The following KAZN variants were observed in gnomAD, a reference collection of about 807,000 sequenced individuals.
KAZN encodes the protein kazrin, periplakin interacting protein, also known as kazrin.
A neutral mutation model predicts 87.4 loss-of-function variants in KAZN; 40 were observed. The ratio of observed to expected loss-of-function variants is 0.46; its 90% CI spans 0.36 to 0.60. The LOEUF is 0.60. KAZN is among the 20% of genes least tolerant of loss of function. The pLI is 0.00. For synonymous variants in KAZN, 466 were observed against 458.3 expected (o/e 1.02, Z -0.22); for missense variants, 898 against 1,073.9 (o/e 0.84, Z 2.29).
chr1:14,218,303 C>T (rs1231902927), intron 2 of KAZN, among the ~76,000 whole-genome samples: 1 of 149,728 alleles, frequency 6.7e-6, no homozygotes, highest in East Asian at 2.0e-4. Context: ...GTATCATATA[C>T]ATTGTGAGTT....
intron 1 of KAZN, among the ~76,000 whole-genome samples, chr1:14,792,097 G>A (rs1472054811): frequency 6.6e-6 from 1 of 152,200 alleles, no homozygotes; most frequent in Non-Finnish European, 1.5e-5. Context: ...GATGTCAGAT[G>A]GAAGACTTGA....
intron 2 of KAZN, among the ~76,000 whole-genome samples, chr1:14,971,977 C>G (rs1480461794): frequency 5.9e-5 from 9 of 152,162 alleles, no homozygotes; most frequent in Non-Finnish European, 1.3e-4. Flanking sequence ...GTGGTCTCGG[C>G]TGCAGCAGAG....
chr1:14,305,112 T>C (rs2100792730), intron 2 of KAZN, among the ~76,000 whole-genome samples: 1 of 152,290 alleles, frequency 6.6e-6, no homozygotes, highest in South Asian at 2.1e-4. Context: ...TTCCTCTGCA[T>C]CAGCTACGGT....
At chr1:14,109,282 G>T (rs1246310986) in intron 1 of KAZN, among the ~76,000 whole-genome samples, 1 of 152,180 alleles carries the variant, frequency 6.6e-6, no homozygotes, top group Non-Finnish European at 1.5e-5. Flanking sequence ...ACAGGGGTGG[G>T]CCAGTAGCCC....
At chr1:14,729,020 C>A (rs1643553058) in intron 1 of KAZN, among the ~76,000 whole-genome samples, 1 of 141,028 alleles carries the variant, frequency 7.1e-6, no homozygotes. Context: ...TTCTTGAGAG[C>A]CTCCTGGGTG....
rs116053025 is a variant in KAZN, at chr1:15,042,778, G to T, written c.556-1211G>T. ...CCTGTCTCTCACCATCTGGAAGTGA[G>T]GCCTTCAGAGACAGGTTTGTCAGAC... is the stretch of plus-strand genomic sequence containing the variant. On this transcript the variant is annotated intron_variant, in intron 3 of 14. Transcript: ENST00000376030. 7.9e-3 allele frequency among the ~76,000 whole-genome samples: 1,209 copies of T among 152,248 alleles called. 20 individuals carry two copies. Among genetic ancestry groups the T allele is most frequent in the African/African-American group, 0.027 (1,128 of 41,534 alleles).
rs191534972 is a variant in KAZN at position 14,248,155 on chromosome 1, T to C, written c.249+67563T>C. ...TTCATTAACACCGAACATAAGCCTT[T>C]CTGAGAGCAACCGTGGGCTTTGTGT... On this transcript the variant is annotated intron_variant, in intron 2 of 16. Coordinates refer to the KAZN transcript ENST00000636203. 2.2e-3 allele frequency among the ~76,000 whole-genome samples: 334 copies of C among 152,294 alleles called. 6 individuals are homozygous for C. The highest frequency in any genetic ancestry group is 4.9e-4 in the Non-Finnish European group (33 of 68,024).
intron 1 of KAZN, among the ~76,000 whole-genome samples, chr1:14,810,135 T>C (rs562441153): frequency 6.6e-6 from 1 of 152,232 alleles, no homozygotes; most frequent in South Asian, 2.1e-4. Context: ...TAATCACTAA[T>C]CATTATTGAT....
chr1:14,304,000 A>G (rs759873402), intron 2 of KAZN, among the ~76,000 whole-genome samples: 8 of 152,186 alleles, frequency 5.3e-5, no homozygotes, highest in Non-Finnish European at 1.0e-4. Context: ...AATGTTAGCG[A>G]GCTTGTTTTA....
At chr1:14,188,553 A>T (rs1006747646) in intron 2 of KAZN, among the ~76,000 whole-genome samples, 1 of 152,136 alleles carries the variant, frequency 6.6e-6, no homozygotes, top group African/African-American at 2.4e-5. Flanking sequence ...TTCGAATTTC[A>T]TGAGACATAG....
At chr1:14,500,602 A>G (rs1375313168) in intron 2 of KAZN, among the ~76,000 whole-genome samples, 5 of 152,024 alleles carry the variant, frequency 3.3e-5, no homozygotes, top group Non-Finnish European at 1.5e-5. Flanking sequence ...AAAAACTGGA[A>G]CCGAAACACA....
At position 15,109,735 on chromosome 1, in the gene KAZN, ATGTG is replaced by A. The variant is rs1341787615; in HGVS notation, c.2049-2688_2049-2685del. The stretch of plus-strand genomic sequence containing the variant: ...TGTTTGTGTGTATATATCTGTGTGT[ATGTG>A]TGTTTGTGTTTGTATGTTTGTGTCT... On this transcript the variant is annotated intron_variant, in intron 13 of 14. Coordinates refer to ENST00000376030, the MANE Select transcript of KAZN (RefSeq NM_201628.3). Among the ~76,000 whole-genome samples the A allele has an allele frequency of 4.0e-5, 6 of 148,296 alleles. No homozygotes were observed. In the South Asian group the frequency reaches 8.6e-4, roughly 21 times the overall value.
At chr1:15,090,869 G>A (rs1640502138) in intron 8 of KAZN, among the ~76,000 whole-genome samples, 1 of 152,232 alleles carries the variant, frequency 6.6e-6, no homozygotes, top group East Asian at 1.9e-4. Context: ...GGCACAAGGT[G>A]TTTGGGAGAC....
rs1641879672 is a variant in KAZN, at chr1:15,117,423, G to T, written c.*2788G>T. 1 of 152,292 alleles carries T rather than the reference G, an allele frequency of 6.6e-6. No individual in the cohort carries two copies. Among genetic ancestry groups the T allele is most frequent in the South Asian group, 2.1e-4 (1 of 4,812 alleles). The allele number at this position is 152,292 out of a possible 1,614,324, so 9.4% of individuals were successfully genotyped here. A position where few individuals can be genotyped will look rare whatever the true frequency, so the allele number is the denominator to read the frequency against. ...CTGCGAGGCCCCTTTGTCCTTGGCT[G>T]AGCCGGACCTTTCTTTTGGAAATCT... is the stretch of plus-strand genomic sequence containing the variant. On this transcript the variant is annotated 3_prime_UTR_variant, in exon 15 of 15. Transcript: ENST00000376030.
intron 8 of KAZN, chr1:15,067,175 C>T (rs752552065): frequency 8.8e-4 from 870 of 985,466 alleles, no homozygotes; most frequent in Non-Finnish European, 1.0e-3. Context: ...GAGGCACCCA[C>T]TTCAAAAGGA....
In KAZN at chr1:14,245,984, G is replaced by A. The variant is rs1281408163; in HGVS notation, c.249+65392G>A. On this transcript the variant is annotated intron_variant, in intron 2 of 16. Transcript: ENST00000636203. ...AAAAATGTGGTACATATGCACCATGGAGTATTAATGTAGCCATAAAAAGGA... is the reference window on the plus strand; with the variant it reads ...AAAAATGTGGTACATATGCACCATGAAGTATTAATGTAGCCATAAAAAGGA... 2.0e-5 allele frequency among the ~76,000 whole-genome samples: 3 copies of A among 152,166 alleles called. 1 individual carries two copies. In the East Asian group the frequency reaches 5.8e-4, roughly 29 times the overall value.
intron 2 of KAZN, among the ~76,000 whole-genome samples, chr1:14,545,754 C>T (rs1217290093): frequency 6.6e-6 from 1 of 152,192 alleles, no homozygotes; most frequent in Non-Finnish European, 1.5e-5. Flanking sequence ...ACTCAGGAAA[C>T]TCAGATAAAG....
intron 2 of KAZN, among the ~76,000 whole-genome samples, chr1:14,275,148 GTC>G (rs1571200402): frequency 6.6e-6 from 1 of 152,136 alleles, no homozygotes; most frequent in East Asian, 1.9e-4. Flanking sequence ...ATATCTTGAA[GTC>G]TCTTCTGTGA....
intron 2 of KAZN, among the ~76,000 whole-genome samples, chr1:14,518,891 G>T (rs1003599308): frequency 2.0e-5 from 3 of 152,236 alleles, no homozygotes; most frequent in Admixed American, 6.5e-5. Flanking sequence ...GCTTTTATTG[G>T]AATGTGCTAG....
Sources: allele counts gnomAD v4.1 joint callset (sites outside exome capture counted in the v4.1 genomes callset), GRCh38; gene constraint gnomAD v4.1.1; transcripts MANE v1.5; gene names NCBI Gene and HGNC (gene_info 2026-07-23, HGNC 2026-07-21).